Variants in GALC observed in about 807,000 individuals in gnomAD.
GALC encodes galactosylceramidase, also known as galactocerebrosidase.
Under a neutral mutation model 91.8 loss-of-function variants are expected in GALC, and 77 were observed. That is an observed-to-expected ratio of 0.84 (90% CI 0.70 to 1.01). The LOEUF (loss-of-function observed/expected upper bound fraction) is 1.01. Among genes scored for constraint, GALC ranks in the 50% least tolerant of loss-of-function variants. The pLI, the probability that GALC is intolerant of heterozygous loss-of-function variation, is 0.00. For missense variants in GALC, 882 were observed against 855.9 expected (o/e 1.03, Z -0.38); for synonymous variants, 357 against 306.7 (o/e 1.16, Z -1.71).
chr14:87,950,112 C>T (rs1278600911), intron 11 of GALC, among the ~76,000 whole-genome samples, 181 bp from the exon 12 acceptor site: 1 of 151,898 alleles, frequency 6.6e-6, no homozygotes. Context: ...CAAGCAAATA[C>T]TTTATTCTCT....
At chr14:87,955,420 A>G (rs1224954676) in intron 10 of GALC, among the ~76,000 whole-genome samples, 2 of 152,056 alleles carry the variant, frequency 1.3e-5, no homozygotes, top group African/African-American at 4.8e-5. Context: ...GAAATGATCT[A>G]CCAGTCAAGG....
chr14:87,989,409 T>C (rs890310896), intron 1 of GALC, among the ~76,000 whole-genome samples: 2 of 152,106 alleles, frequency 1.3e-5, no homozygotes, highest in African/African-American at 2.4e-5. Context: ...ACATCCCCAG[T>C]CCCTACCAGT....
rs773214484 is a variant in GALC at position 87,945,739 on chromosome 14, C to T, written c.1490-6G>A. 4 of 1,603,188 alleles carry T rather than the reference C, an allele frequency of 2.5e-6. No homozygotes were observed. Among genetic ancestry groups the T allele is most frequent in the Non-Finnish European group, 3.4e-6 (4 of 1,171,870 alleles). On this transcript the variant is annotated splice_polypyrimidine_tract_variant and splice_region_variant and intron_variant, in intron 13 of 16. Transcript: ENST00000261304. ...TTCACTAAAAAATGGGTAATCTGTT[C>T]AGAATGTAAGAAATTCTCTGTTTAG...
At chr14:87,937,660 T>A (rs1884638751) in intron 16 of GALC, among the ~76,000 whole-genome samples, 1 of 151,444 alleles carries the variant, frequency 6.6e-6, no homozygotes, top group African/African-American at 2.4e-5. Context: ...AGACACAGAA[T>A]GGGGTCAAGA....
chr14:87,982,764 A>C (rs75468657), intron 5 of GALC, among the ~76,000 whole-genome samples: 17,176 of 152,262 alleles, frequency 0.11, 1,134 homozygotes, highest in Non-Finnish European at 0.16. Flanking sequence ...TATTAGGTTT[A>C]GAGTCATGAA....
upstream of GALC, chr14:87,993,326 G>C: frequency 6.5e-7 from 1 of 1,536,104 alleles, no homozygotes; most frequent in Middle Eastern, 1.7e-4. Context: ...GAAGCAGCGA[G>C]CTTTTTCTTA....
chr14:87,993,405 AC>A, upstream of GALC: 1 of 1,535,836 alleles, frequency 6.5e-7, no homozygotes, highest in South Asian at 1.2e-5. Flanking sequence ...TTCCGGCGTC[AC>A]CTGGTGGAGC....
At chr14:87,978,285 A>T (rs1394442486) in intron 6 of GALC, among the ~76,000 whole-genome samples, 1 of 152,154 alleles carries the variant, frequency 6.6e-6, no homozygotes, top group African/African-American at 2.4e-5. Flanking sequence ...TCCTGACCTC[A>T]GGTGGTCCGC....
At position 87,982,984 on chromosome 14, in the gene GALC, G is replaced by A. The variant is rs558575411; in HGVS notation, c.583-741C>T. Among the ~76,000 whole-genome samples, 10 of 152,300 alleles carry A rather than the reference G, an allele frequency of 6.6e-5. No individual in the cohort carries two copies. In the East Asian group the frequency reaches 1.9e-3, roughly 29 times the overall value. On this transcript the variant is annotated intron_variant, in intron 5 of 16. Coordinates refer to ENST00000261304, the MANE Select transcript of GALC (RefSeq NM_000153.4). ...CATTACTTGTGACTGTACCATAAGAGAAAGCTATTAGACCAAACCTACATT... is the reference window on the plus strand; with the variant it reads ...CATTACTTGTGACTGTACCATAAGAAAAAGCTATTAGACCAAACCTACATT...
chr14:87,939,183 C>T (rs941830650), intron 16 of GALC, among the ~76,000 whole-genome samples: 1 of 151,768 alleles, frequency 6.6e-6, no homozygotes, highest in African/African-American at 2.4e-5. Flanking sequence ...TACATCCAAA[C>T]CAAATCTTCA....
intron 10 of GALC, among the ~76,000 whole-genome samples, chr14:87,951,496 T>C (rs1885306838): frequency 1.3e-5 from 2 of 151,878 alleles, no homozygotes; most frequent in Admixed American, 6.6e-5. Context: ...CCAAACAACA[T>C]GCCATCTATA....
At position 87,980,372 on chromosome 14, in the gene GALC, ACT is replaced by A. The variant is rs1432642035; in HGVS notation, c.621+1831_621+1832del. 50 of 304,112 alleles carry A rather than the reference ACT, an allele frequency of 1.6e-4. No homozygotes were observed. In the East Asian group the frequency reaches 5.9e-3, roughly 36 times the overall value. The allele number at this position is 304,112 out of a possible 1,614,324, so 18.8% of individuals were successfully genotyped here. A position where few individuals can be genotyped will look rare whatever the true frequency, so the allele number is the denominator to read the frequency against. ...ACTCCAGCCTGGGTGACAGAGAGAGACTCTGTCAAAAAAAAAAAAAAAGCCAT... is the reference window on the plus strand; with the variant it reads ...ACTCCAGCCTGGGTGACAGAGAGAGACTGTCAAAAAAAAAAAAAAAGCCAT... On this transcript the variant is annotated intron_variant, in intron 6 of 16. Coordinates refer to ENST00000261304, the MANE Select transcript of GALC (RefSeq NM_000153.4).
Position 87,950,698 on chromosome 14 carries a change from C to A in GALC, c.1212G>T (p.Val404=). Residue 404 remains valine (V), a synonymous_variant, in exon 11 of 17, where the codon GTG becomes GTT. Transcript: ENST00000261304. ...CIRPFLPYFN[V]SQQFATFVLK... is the part of the protein sequence containing the mutation. ...GAACAAAGGTGGCAAATTGTTGTGA[C>A]ACATTGAAATAAGGAAGAAATGGCC... The A allele has an allele frequency of 1.2e-6, 2 of 1,607,656 alleles. No homozygotes were observed. The highest frequency in any genetic ancestry group is 1.3e-5 in the African/African-American group (1 of 74,400).
intron 6 of GALC, among the ~76,000 whole-genome samples, chr14:87,978,162 C>T: frequency 6.6e-6 from 1 of 152,212 alleles, no homozygotes. Flanking sequence ...AGCAATTCTC[C>T]TGCCTCAGCC....
In GALC at chr14:87,992,740, T is replaced by G. The variant is rs889660853; in HGVS notation, c.195+230A>C. On this transcript the variant is annotated intron_variant, in intron 1 of 16. Coordinates refer to ENST00000261304, the MANE Select transcript of GALC (RefSeq NM_000153.4). ...CACCTATACTCTCTGGACCTCCGGA[T>G]CCTCATTTGTTCAAACCTAACTGCC... The G allele has an allele frequency of 1.8e-5, 25 of 1,421,458 alleles. 2 individuals carry two copies. The highest frequency in any genetic ancestry group is 4.6e-6 in the Non-Finnish European group (5 of 1,092,438). 88.1% of individuals were successfully genotyped at this position (1,421,458 alleles called of 1,614,324 possible). A position where few individuals can be genotyped will look rare whatever the true frequency, so the allele number is the denominator to read the frequency against.
rs985361406 is a variant in GALC at position 87,963,517 on chromosome 14, G to T, written c.1034-6C>A. 6.2e-7 allele frequency: 1 copy of T among 1,608,372 alleles called. No homozygotes were observed. The highest frequency in any genetic ancestry group is 1.3e-5 in the African/African-American group (1 of 74,336). On this transcript the variant is annotated splice_region_variant and splice_polypyrimidine_tract_variant and intron_variant, in intron 9 of 16. Transcript: ENST00000261304. ...AGTAAACTGAGTGGTATGAGCTATA[G>T]AAAAACAGAAAGTTCCAAATAAGAC... is the stretch of plus-strand genomic sequence containing the variant.
At chr14:87,963,358 A>T (rs746173875) in intron 10 of GALC, 26 bp downstream of exon 10, 1 of 1,609,884 alleles carries the variant, frequency 6.2e-7, no homozygotes, top group South Asian at 1.1e-5. Context: ...AAGTGAGTTA[A>T]TCCAATAGCA....
chr14:87,970,465 G>GA (rs1291089410), intron 7 of GALC, among the ~76,000 whole-genome samples: 1 of 152,012 alleles, frequency 6.6e-6, no homozygotes, highest in Non-Finnish European at 1.5e-5. Context: ...AGAAAATGAT[G>GA]AAACTGTTAC....
intron 10 of GALC, among the ~76,000 whole-genome samples, chr14:87,957,322 T>C (rs553508834): frequency 6.6e-6 from 1 of 152,252 alleles, no homozygotes; most frequent in South Asian, 2.1e-4. Context: ...TTATAAATTA[T>C]TTGCCTAGGC....
Sources: gnomAD v4.1 joint callset for allele counts (sites outside exome capture counted in the v4.1 genomes callset) on GRCh38, gnomAD v4.1.1 for gene constraint, MANE v1.5 for transcripts, NCBI Gene and HGNC (gene_info 2026-07-23, HGNC 2026-07-21) for gene names.